ASB16: variants seen among roughly 807,000 people sequenced by gnomAD.
ASB16 encodes the protein ankyrin repeat and SOCS box containing 16.
ASB16 carries 44 observed loss-of-function variants against 39.1 expected under a neutral mutation model. The ratio of observed to expected loss-of-function variants is 1.13; its 90% CI spans 0.88 to 1.45. The LOEUF is 1.45. ASB16 is among the 40% of genes most tolerant of loss of function. The probability of loss-of-function intolerance (pLI) is 0.00; values close to 1 mark genes in which losing one functional copy is unlikely to be tolerated. For synonymous variants in ASB16, 305 were observed against 286.7 expected (o/e 1.06, Z -0.64); for missense variants, 698 against 634.5 (o/e 1.10, Z -1.07).
intron 2 of ASB16, among the ~76,000 whole-genome samples, chr17:44,173,083 T>TC (rs2054255676): frequency 1.3e-5 from 1 of 77,568 alleles, no homozygotes; most frequent in Non-Finnish European, 2.6e-5. Context: ...GAGACTGTCT[T>TC]AAAAAAAAAA....
intron 2 of ASB16, among the ~76,000 whole-genome samples, chr17:44,173,239 T>A (rs1427099570): frequency 1.3e-5 from 2 of 149,236 alleles, no homozygotes; most frequent in African/African-American, 2.5e-5. Context: ...ATACAAAAAA[T>A]TAGCCAGGCT....
chr17:44,173,620 A>G (rs960152016), intron 2 of ASB16, among the ~76,000 whole-genome samples: 1 of 151,798 alleles, frequency 6.6e-6, no homozygotes, highest in African/African-American at 2.4e-5. Flanking sequence ...TTGAGCTCAG[A>G]AGTTCAAGAC....
intron 1 of ASB16, among the ~76,000 whole-genome samples, chr17:44,171,779 T>C (rs769133660): frequency 5.3e-5 from 8 of 152,110 alleles, no homozygotes; most frequent in Non-Finnish European, 7.4e-5. Flanking sequence ...AGTTGGCCCC[T>C]GTGGTTTTAT....
At chr17:44,172,008 C>T (rs763998884) in intron 1 of ASB16, 38 bp from the exon 2 acceptor site, 248 of 1,592,568 alleles carry the variant, frequency 1.6e-4, no homozygotes, top group Non-Finnish European at 2.1e-4. Context: ...CCTGCCCTGT[C>T]TTATACACCA....
In ASB16 at chr17:44,178,238, A is replaced by G. The variant is rs764706713; in HGVS notation, c.1210A>G (p.Met404Val). The G allele has an allele frequency of 1.3e-5, 21 of 1,613,528 alleles. No homozygotes were observed. The highest frequency in any genetic ancestry group is 1.8e-5 in the Non-Finnish European group (21 of 1,179,994). The change falls in exon 5 of 5, where the codon ATG (methionine) becomes GTG (valine). Residue 404 changes from methionine to valine, a missense_variant. Met to Val is a conservative substitution (Grantham distance 21). Transcript: ENST00000293414. ...HEAFYSSALCMVNQPRQLQHL... is the reference protein window; with the variant it reads ...HEAFYSSALCVVNQPRQLQHL... The stretch of plus-strand genomic sequence containing the variant: ...AGCCTTCTACAGCTCGGCCCTGTGC[A>G]TGGTGAACCAGCCAAGGCAGCTGCA...
Position 44,178,604 on chromosome 17 carries a change from C to T in ASB16, c.*214C>T. 1 of 585,154 alleles carries T rather than the reference C, an allele frequency of 1.7e-6. No individual in the cohort carries two copies. The highest frequency in any genetic ancestry group is 3.0e-6 in the Non-Finnish European group (1 of 333,938). The allele number at this position is 585,154 out of a possible 1,614,324, so 36.2% of individuals were successfully genotyped here. On this transcript the variant is annotated 3_prime_UTR_variant, in exon 5 of 5. Transcript: ENST00000293414. ...TCTTGTGCCCCAAACTTCCGAGTAG[C>T]TGGGACTACAGGCATGAGTCACCAC... is the stretch of plus-strand genomic sequence containing the variant.
Position 44,171,003 on chromosome 17 carries a change from C to T in ASB16, c.214C>T (p.Gln72Ter). 1 of 1,614,014 alleles carries T rather than the reference C, an allele frequency of 6.2e-7. No homozygotes were observed. The highest frequency in any genetic ancestry group is 8.5e-7 in the Non-Finnish European group (1 of 1,180,014). The part of the protein sequence containing the change: ...HQALFSGNLQ[Q>*]VQALFQDEEA... ...AGCCCTCTTCTCCGGCAACCTGCAG[C>T]AGGTCCAAGCCCTGTTCCAAGATGA... Residue 72 changes from glutamine (Q) to a stop codon, truncating the protein, a stop_gained, in exon 1 of 5, where the codon CAG (glutamine) becomes TAG (stop). Transcript: ENST00000293414. LOFTEE classifies it high-confidence loss of function.
Position 44,170,749 on chromosome 17 carries a change from C to G in ASB16, c.-41C>G. The G allele has an allele frequency of 6.5e-7, 1 of 1,536,778 alleles. No homozygotes were observed. Among genetic ancestry groups the G allele is most frequent in the Non-Finnish European group, 8.8e-7 (1 of 1,141,366 alleles). On this transcript the variant is annotated 5_prime_UTR_variant, in exon 1 of 5. Coordinates refer to ENST00000293414, the MANE Select transcript of ASB16 (RefSeq NM_080863.5). ...AGGTAGTCGGGTCGAGGGAACCTGG[C>G]TCTGCCCAGGTGCCACTGCCCAAAC...
chr17:44,178,061 C>T (rs2054325917), intron 4 of ASB16, 144 bp from the exon 5 acceptor site: 3 of 845,420 alleles, frequency 3.5e-6, no homozygotes, highest in Non-Finnish European at 3.7e-6. Context: ...CACTGCAGGG[C>T]CTCTATGGTT....
At position 44,178,332 on chromosome 17, in the gene ASB16, C is replaced by G; in HGVS notation, c.1304C>G (p.Pro435Arg). Residue 435 changes from proline to arginine, a missense_variant, in exon 5 of 5, where the codon CCA becomes CGA. Pro to Arg is a moderately radical substitution (Grantham distance 103). Transcript: ENST00000293414. ...TGCCGGCAGGGTGCCACCCGGCTGC[C>G]ACTGCCCCCGCTCCTCAGGGACTAC... is the stretch of plus-strand genomic sequence containing the variant. ...SRCRQGATRLPLPPLLRDYLL... is the reference protein window; with the variant it reads ...SRCRQGATRLRLPPLLRDYLL... 2 of 1,611,778 alleles carry G rather than the reference C, an allele frequency of 1.2e-6. No homozygotes were observed. Among genetic ancestry groups the G allele is most frequent in the Admixed American group, 3.3e-5 (2 of 59,828 alleles).
At position 44,176,923 on chromosome 17, in the gene ASB16, C is replaced by A. The variant is rs746615531; in HGVS notation, c.755C>A (p.Ala252Asp). 1 of 1,549,268 alleles carries A rather than the reference C, an allele frequency of 6.5e-7. No homozygotes were observed. Reference sequence around the variant, plus strand: ...GAGACTGCGCTGAACACGGCGTGCGCTGGGGCCGAGGGCCCAGGTAGCTGC... The same window carrying A: ...GAGACTGCGCTGAACACGGCGTGCGATGGGGCCGAGGGCCCAGGTAGCTGC... Reference protein sequence around the residue: ...QGETALNTACAGAEGPGSCRR... With the variant: ...QGETALNTACDGAEGPGSCRR... Residue 252 changes from alanine to aspartate, a missense_variant, in exon 3 of 5, where the codon GCT becomes GAT. Ala to Asp is a moderately radical substitution (Grantham distance 126). Coordinates refer to ENST00000293414, the MANE Select transcript of ASB16 (RefSeq NM_080863.5).
In ASB16 at chr17:44,178,238, A is replaced by T. The variant is rs764706713; in HGVS notation, c.1210A>T (p.Met404Leu). ...HEAFYSSALCMVNQPRQLQHL... is the reference protein window; with the variant it reads ...HEAFYSSALCLVNQPRQLQHL... ...AGCCTTCTACAGCTCGGCCCTGTGCATGGTGAACCAGCCAAGGCAGCTGCA... is the reference window on the plus strand; with the variant it reads ...AGCCTTCTACAGCTCGGCCCTGTGCTTGGTGAACCAGCCAAGGCAGCTGCA... Residue 404 changes from methionine to leucine, a missense_variant, in exon 5 of 5, where the codon ATG becomes TTG. Met to Leu is a conservative substitution (Grantham distance 15). Transcript: ENST00000293414. 2.4e-5 allele frequency: 39 copies of T among 1,613,410 alleles called. No individual in the cohort carries two copies. Among genetic ancestry groups the T allele is most frequent in the Non-Finnish European group, 1.7e-6 (2 of 1,180,002 alleles).
rs369351726 is a variant in ASB16 at position 44,178,423 on chromosome 17, G to T, written c.*33G>T. On this transcript the variant is annotated 3_prime_UTR_variant, in exon 5 of 5. Transcript: ENST00000293414. ...GTCAGGCTGTCCCATGGTGTGTTCT[G>T]CCCCTCCCACCTGTCCCCGCCTCCA... is the stretch of plus-strand genomic sequence containing the variant. The T allele has an allele frequency of 1.9e-5, 29 of 1,533,482 alleles. No individual in the cohort carries two copies. Among genetic ancestry groups the T allele is most frequent in the African/African-American group, 2.7e-5 (2 of 73,334 alleles). 95.0% of individuals were successfully genotyped at this position (1,533,482 alleles called of 1,614,324 possible).
Position 44,172,028 on chromosome 17 carries a change from A to G in ASB16, c.302-18A>G, listed in dbSNP as rs1320617971. On this transcript the variant is annotated intron_variant, in intron 1 of 4. Coordinates refer to ENST00000293414, the MANE Select transcript of ASB16 (RefSeq NM_080863.5). The stretch of plus-strand genomic sequence containing the variant: ...CCTGTCTTATACACCACCTCCCAAA[A>G]CTATTTGCTCTCCCTAGGGTTCTGG... 6.2e-7 allele frequency: 1 copy of G among 1,602,028 alleles called. No individual in the cohort carries two copies. The highest frequency in any genetic ancestry group is 2.2e-5 in the East Asian group (1 of 44,586).
intron 3 of ASB16, 139 bp from the exon 4 acceptor site, chr17:44,177,470 C>G: frequency 8.2e-7 from 1 of 1,224,800 alleles, no homozygotes; most frequent in Non-Finnish European, 1.1e-6. Flanking sequence ...GTGGGGTAGA[C>G]AGAGGCACAA....
At chr17:44,177,261 C>T in intron 3 of ASB16, 31 bp downstream of exon 3, 3 of 1,509,468 alleles carry the variant, frequency 2.0e-6, no homozygotes, top group Non-Finnish European at 2.7e-6. Flanking sequence ...ATAGGAGGCT[C>T]CTGTGTGGGG....
At chr17:44,172,975 C>A (rs1316410932) in intron 2 of ASB16, among the ~76,000 whole-genome samples, 1 of 150,302 alleles carries the variant, frequency 6.7e-6, no homozygotes, top group Non-Finnish European at 1.5e-5. Flanking sequence ...GTGGCTCACA[C>A]CTGTAATTCC....
At chr17:44,171,128 A>C (rs1272346962) in intron 1 of ASB16, 38 bp downstream of exon 1, 13 of 1,582,422 alleles carry the variant, frequency 8.2e-6, no homozygotes, top group Non-Finnish European at 1.1e-5. Context: ...AGGAGGGAGA[A>C]AGAAGGGGAG....
At chr17:44,177,465 G>A (rs1410941170) in intron 3 of ASB16, 144 bp from the exon 4 acceptor site, 1 of 1,191,414 alleles carries the variant, frequency 8.4e-7, no homozygotes, top group East Asian at 2.6e-5. Context: ...TGAGGGTGGG[G>A]TAGACAGAGG....
Sources: allele counts gnomAD v4.1 joint callset (sites outside exome capture counted in the v4.1 genomes callset), GRCh38; gene constraint gnomAD v4.1.1; transcripts MANE v1.5; gene names NCBI Gene and HGNC (gene_info 2026-07-23, HGNC 2026-07-21).